DIABLO: variants seen among roughly 807,000 people sequenced by gnomAD.
The protein encoded by DIABLO is diablo homolog, mitochondrial.
A neutral mutation model predicts 31.7 loss-of-function variants in DIABLO; 32 were observed. The ratio of observed to expected loss-of-function variants is 1.01; its 90% CI spans 0.76 to 1.35. DIABLO has a LOEUF of 1.35. Ranked by LOEUF, DIABLO falls within the 40% of genes most tolerant of loss-of-function variation. The probability of loss-of-function intolerance (pLI) is 0.00; values close to 1 mark genes in which losing one functional copy is unlikely to be tolerated. For synonymous variants in DIABLO, 132 were observed against 103.2 expected (o/e 1.28, Z -1.69); for missense variants, 316 against 286.4 (o/e 1.10, Z -0.75).
At chr12:122,220,679 A>C (rs1442237407) in intron 2 of DIABLO, 5 of 151,990 alleles carry the variant, frequency 3.3e-5, no homozygotes, top group African/African-American at 1.2e-4. Flanking sequence ...CAAAACAAAA[A>C]CAAAAACAAA....
At chr12:122,224,932 G>T in intron 1 of DIABLO, 1 of 929,278 alleles carries the variant, frequency 1.1e-6, no homozygotes, top group Non-Finnish European at 1.5e-6. Flanking sequence ...AACATGGCTG[G>T]CAACATGACC....
intron 5 of DIABLO, among the ~76,000 whole-genome samples, chr12:122,215,834 C>T (rs1469913250): frequency 2.2e-5 from 3 of 135,504 alleles, no homozygotes; most frequent in African/African-American, 5.6e-5. Flanking sequence ...CCTAGGATTT[C>T]GAGATTAGCC....
chr12:122,225,416 C>CA, intron 1 of DIABLO: 1 of 997,538 alleles, frequency 1.0e-6, no homozygotes, highest in Non-Finnish European at 1.2e-6. Context: ...AAAATGTTGC[C>CA]TTTAAACTTT....
Position 122,208,058 on chromosome 12 carries a change from G to C in DIABLO, c.*323C>G, listed in dbSNP as rs1360822491. ...AGGTTAAACAGTTGCTGAACTTAAG[G>C]GCATGACAAAAAGGACTCCTCTCTC... On this transcript the variant is annotated 3_prime_UTR_variant, in exon 6 of 6. Coordinates refer to ENST00000464942, the MANE Select transcript of DIABLO (RefSeq NM_001371333.1). The C allele has an allele frequency of 1.2e-5, 7 of 571,240 alleles. No homozygotes were observed. In the Admixed American group the frequency reaches 1.3e-4, roughly 11 times the overall value. The allele number at this position is 571,240 out of a possible 1,614,324, so 35.4% of individuals were successfully genotyped here.
At chr12:122,226,076 C>T (rs777713675), upstream of DIABLO, 12 of 1,560,120 alleles carry the variant, frequency 7.7e-6, no homozygotes, top group South Asian at 2.3e-5. Context: ...GAGCGCGGAG[C>T]GGGGCACGGC....
At position 122,208,565 on chromosome 12, in the gene DIABLO, G is replaced by T; in HGVS notation, c.536C>A (p.Ala179Asp). 1 of 1,612,886 alleles carries T rather than the reference G, an allele frequency of 6.2e-7. No homozygotes were observed. The highest frequency in any genetic ancestry group is 8.5e-7 in the Non-Finnish European group (1 of 1,180,018). The change falls in exon 6 of 6, where the codon GCC becomes GAC. Residue 179 changes from alanine to aspartate, a missense_variant. Ala to Asp is a moderately radical substitution (Grantham distance 126). Transcript: ENST00000464942. ...EAAYQTGADQASITARNHIQL... is the reference protein window; with the variant it reads ...EAAYQTGADQDSITARNHIQL... ...AATGTGATTCCTGGCGGTTATAGAG[G>T]CCTGATCTGCGCCTGCCAAAAGATG... is the stretch of plus-strand genomic sequence containing the variant.
At chr12:122,227,360 CA>C (rs34545361), upstream of DIABLO, 3 of 453,672 alleles carry the variant, frequency 6.6e-6, no homozygotes, top group Admixed American at 7.0e-5. Context: ...ACTTACTTGG[CA>C]AAGTTTCCAC....
chr12:122,209,684 T>G (rs961505524), intron 5 of DIABLO: 2 of 681,408 alleles, frequency 2.9e-6, no homozygotes, highest in African/African-American at 1.8e-5. Flanking sequence ...AAAAATGAGC[T>G]CTCTCATTTT....
intron 1 of DIABLO, chr12:122,224,870 A>G: frequency 1.4e-6 from 2 of 1,447,698 alleles, no homozygotes; most frequent in Non-Finnish European, 9.1e-7. Context: ...TGGAAGGCCA[A>G]GGGCAAGGCG....
intron 2 of DIABLO, chr12:122,222,527 C>T (rs1954355695): frequency 6.8e-6 from 1 of 147,220 alleles, no homozygotes; most frequent in African/African-American, 2.5e-5. Flanking sequence ...GGTGTGAACC[C>T]AGGAGGCAGA....
At chr12:122,216,466 C>CCAA in intron 5 of DIABLO, 22 bp downstream of exon 5, 1 of 1,598,552 alleles carries the variant, frequency 6.3e-7, no homozygotes, top group Non-Finnish European at 8.6e-7. Context: ...AAAAAAAAAC[C>CCAA]CAACACAAAA....
rs1467623100 is a variant in DIABLO, at chr12:122,207,718, T to G, written c.*663A>C. The G allele has an allele frequency of 1.7e-5, 9 of 532,834 alleles. No individual in the cohort carries two copies. The highest frequency in any genetic ancestry group is 1.4e-4 in the South Asian group (9 of 65,164). The allele number at this position is 532,834 out of a possible 1,614,324, so 33.0% of individuals were successfully genotyped here. On this transcript the variant is annotated 3_prime_UTR_variant, in exon 6 of 6. Transcript: ENST00000464942. ...CAGATGCAAACAAAATCTTACACTCTTCTCCTTTGGATACAATAGAGAAAC... is the reference window on the plus strand; with the variant it reads ...CAGATGCAAACAAAATCTTACACTCGTCTCCTTTGGATACAATAGAGAAAC...
rs1392967860 is a variant in DIABLO at position 122,207,787 on chromosome 12, ATGT to A, written c.*591_*593del. 11 of 468,814 alleles carry A rather than the reference ATGT, an allele frequency of 2.3e-5. No individual in the cohort carries two copies. The highest frequency in any genetic ancestry group is 2.0e-4 in the African/African-American group (10 of 50,556). The allele number at this position is 468,814 out of a possible 1,614,324, so 29.0% of individuals were successfully genotyped here. A position where few individuals can be genotyped will look rare whatever the true frequency, so the allele number is the denominator to read the frequency against. On this transcript the variant is annotated 3_prime_UTR_variant, in exon 6 of 6. Coordinates refer to ENST00000464942, the MANE Select transcript of DIABLO (RefSeq NM_001371333.1). The stretch of plus-strand genomic sequence containing the variant: ...AAGAGGCCTGTGTTAAGTCCTGTTG[ATGT>A]TAAGTCCTGTTGAGAGCACCAGGTA...
chr12:122,213,761 CCTCAGGATCACTACTTTTT>C lies in DIABLO; in HGVS notation c.523+2708_523+2726del, dbSNP rs557291979. 2.9e-3 allele frequency among the ~76,000 whole-genome samples: 447 copies of C among 152,060 alleles called. 2 individuals are homozygous for C. The highest frequency in any genetic ancestry group is 4.4e-3 in the South Asian group (21 of 4,816). On this transcript the variant is annotated intron_variant, in intron 5 of 5. Coordinates refer to ENST00000464942, the MANE Select transcript of DIABLO (RefSeq NM_001371333.1). ...TCATTCTTGTTCCAAATCTCTGATC[CCTCAGGATCACTACTTTTT>C]CTCAGGATCACTACTTTTTCTGGGC...
chr12:122,219,619 G>C (rs1046924626), intron 2 of DIABLO, among the ~76,000 whole-genome samples: 10 of 152,082 alleles, frequency 6.6e-5, no homozygotes, highest in Admixed American at 5.9e-4. Flanking sequence ...TAGTTTGGGA[G>C]GCCGAGGCGG....
At position 122,216,852 on chromosome 12, in the gene DIABLO, A is replaced by T. The variant is rs753412311; in HGVS notation, c.333T>A (p.Thr111=). The T allele has an allele frequency of 1.2e-6, 2 of 1,613,944 alleles. No individual in the cohort carries two copies. Among genetic ancestry groups the T allele is most frequent in the Non-Finnish European group, 1.7e-6 (2 of 1,179,850 alleles). ...AACTTGTATATTGTCGGTAAAGAGA[A>T]GTTAAGGTATAAACAGCCTACAAAT... ...TEYTKAVYTL[T]SLYRQYTSLL... is the part of the protein sequence containing the mutation. Residue 111 remains threonine (T), a synonymous_variant, in exon 4 of 6, where the codon ACT becomes ACA. Transcript: ENST00000464942.
At chr12:122,214,427 A>G (rs953352452) in intron 5 of DIABLO, among the ~76,000 whole-genome samples, 5 of 152,182 alleles carry the variant, frequency 3.3e-5, no homozygotes, top group East Asian at 1.9e-4. Flanking sequence ...ATGTTTTAAT[A>G]TAACAATTTC....
chr12:122,213,507 G>GAAAAAAA (rs368276624), intron 5 of DIABLO, among the ~76,000 whole-genome samples: 6 of 136,554 alleles, frequency 4.4e-5, no homozygotes, highest in Non-Finnish European at 3.1e-5. Flanking sequence ...TTGTCTCAGG[G>GAAAAAAA]AAAAAAAAAA....
rs1355207138 is a variant in DIABLO, at chr12:122,207,958, C to G, written c.*423G>C. 2.1e-6 allele frequency: 1 copy of G among 466,274 alleles called. No homozygotes were observed. The highest frequency in any genetic ancestry group is 6.7e-5 in the East Asian group (1 of 14,878). The allele number at this position is 466,274 out of a possible 1,614,324, so 28.9% of individuals were successfully genotyped here. On this transcript the variant is annotated 3_prime_UTR_variant, in exon 6 of 6. Coordinates refer to ENST00000464942, the MANE Select transcript of DIABLO (RefSeq NM_001371333.1). Reference sequence around the variant, plus strand: ...GTACAAACTGGACAGGTTCCCCTCCCCCTGCCACAACTGGCATCCCAACAG... The same window carrying G: ...GTACAAACTGGACAGGTTCCCCTCCGCCTGCCACAACTGGCATCCCAACAG...
Sources: allele counts gnomAD v4.1 joint callset (sites outside exome capture counted in the v4.1 genomes callset), GRCh38; gene constraint gnomAD v4.1.1; transcripts MANE v1.5; gene names NCBI Gene and HGNC (gene_info 2026-07-23, HGNC 2026-07-21).